Variants in KLF13 observed in about 807,000 individuals in gnomAD.
KLF13 encodes the protein KLF transcription factor 13, also known as Krueppel-like factor 13.
Under a neutral mutation model 16.7 loss-of-function variants are expected in KLF13, and 8 were observed. The ratio of observed to expected loss-of-function variants is 0.48; its 90% CI spans 0.28 to 0.87. KLF13 has a LOEUF of 0.87. Ranked by LOEUF, KLF13 falls within the 40% of genes least tolerant of loss-of-function variation. The pLI, the probability that KLF13 is intolerant of heterozygous loss-of-function variation, is 0.10. For missense variants in KLF13, 447 were observed against 452.2 expected, an observed-to-expected ratio of 0.99 and a Z score of 0.10; for synonymous variants, 245 against 208.4, an observed-to-expected ratio of 1.18 and a Z score of -1.51.
chr15:31,333,501 A>G (rs1273454907), intron 1 of KLF13, among the ~76,000 whole-genome samples: 3 of 151,060 alleles, frequency 2.0e-5, no homozygotes, highest in South Asian at 2.1e-4. Flanking sequence ...ACACTCCTAT[A>G]CTCTTCCCAT....
chr15:31,359,462 T>C (rs2039349093), intron 1 of KLF13, among the ~76,000 whole-genome samples: 1 of 152,230 alleles, frequency 6.6e-6, no homozygotes, highest in Non-Finnish European at 1.5e-5. Context: ...ATTGGGGTGC[T>C]GGGTTCTGTG....
At position 31,374,411 on chromosome 15, in the gene KLF13, TTG is replaced by T. The variant is rs1450273396; in HGVS notation, c.*2113_*2114del. 6.6e-6 allele frequency: 1 copy of T among 152,402 alleles called. No homozygotes were observed. The highest frequency in any genetic ancestry group is 1.9e-4 in the East Asian group (1 of 5,180). The allele number at this position is 152,402 out of a possible 1,614,324, so 9.4% of individuals were successfully genotyped here. ...GGGCTCTCTGACCTCCCTGCTTGCA[TTG>T]GGTCTGGGAGAGAGAGTGGAATATT... On this transcript the variant is annotated 3_prime_UTR_variant, in exon 2 of 2. Transcript: ENST00000307145.
At chr15:31,331,186 ATC>A (rs1441546066) in intron 1 of KLF13, among the ~76,000 whole-genome samples, 1 of 152,230 alleles carries the variant, frequency 6.6e-6, no homozygotes, top group Non-Finnish European at 1.5e-5. Flanking sequence ...GAGTCAAAAC[ATC>A]TCTCTGCATG....
At chr15:31,349,488 G>T (rs532823698) in intron 1 of KLF13, among the ~76,000 whole-genome samples, 3 of 152,326 alleles carry the variant, frequency 2.0e-5, no homozygotes, top group African/African-American at 7.2e-5. Flanking sequence ...CACTTGCCTC[G>T]TTCTGCACTG....
At chr15:31,329,804 C>T (rs534239942) in intron 1 of KLF13, among the ~76,000 whole-genome samples, 7 of 152,318 alleles carry the variant, frequency 4.6e-5, no homozygotes, top group South Asian at 2.1e-4. Flanking sequence ...CATCAGAAGT[C>T]CTACCTCCAG....
chr15:31,428,298 C>T (rs775175090), intron 1 of KLF13, among the ~76,000 whole-genome samples: 18 of 152,090 alleles, frequency 1.2e-4, no homozygotes, highest in African/African-American at 2.9e-4. Flanking sequence ...TCATGTCTCT[C>T]GCACAACATG....
chr15:31,394,605 A>G (rs1892553846), intron 2 of KLF13, among the ~76,000 whole-genome samples: 1 of 152,124 alleles, frequency 6.6e-6, no homozygotes, highest in African/African-American at 2.4e-5. Flanking sequence ...ATGGGCAGAG[A>G]GGATGGAGGT....
At chr15:31,344,200 A>G (rs942225863) in intron 1 of KLF13, among the ~76,000 whole-genome samples, 2 of 152,166 alleles carry the variant, frequency 1.3e-5, no homozygotes, top group Non-Finnish European at 2.9e-5. Context: ...CCCCACACCC[A>G]TACCCATCTC....
chr15:31,435,287 C>T (rs2040516719), intron 1 of KLF13: 1 of 152,136 alleles, frequency 6.6e-6, no homozygotes, highest in Non-Finnish European at 1.5e-5. Context: ...GGAGAAGGGT[C>T]TCGCTAGGGT....
chr15:31,362,890 C>G (rs1393747878), intron 1 of KLF13, among the ~76,000 whole-genome samples: 9 of 152,208 alleles, frequency 5.9e-5, no homozygotes, highest in Non-Finnish European at 1.5e-5. Flanking sequence ...CATTCTACTT[C>G]TTTGCGATAG....
At position 31,372,652 on chromosome 15, in the gene KLF13, G is replaced by A. The variant is rs1245477861; in HGVS notation, c.*353G>A. The A allele has an allele frequency of 1.7e-5, 4 of 231,316 alleles. No homozygotes were observed. The highest frequency in any genetic ancestry group is 4.6e-5 in the African/African-American group (2 of 43,502). 14.3% of individuals were successfully genotyped at this position (231,316 alleles called of 1,614,324 possible). On this transcript the variant is annotated 3_prime_UTR_variant, in exon 2 of 2. Transcript: ENST00000307145. ...AGTTTTCTGTTAGGTTCGGGAACAC[G>A]CTGGGGACAGAGCAGGCCAGCCAGT...
Position 31,327,329 on chromosome 15 carries a change from C to A in KLF13, c.117C>A (p.Ala39=). 1.6e-6 allele frequency: 2 copies of A among 1,279,502 alleles called. No homozygotes were observed. The highest frequency in any genetic ancestry group is 3.3e-5 in the East Asian group (1 of 30,364). 79.3% of individuals were successfully genotyped at this position (1,279,502 alleles called of 1,614,324 possible). A position where few individuals can be genotyped will look rare whatever the true frequency, so the allele number is the denominator to read the frequency against. The change falls in exon 1 of 2, where the codon GCC becomes GCA. Residue 39 remains alanine, a synonymous_variant. Transcript: ENST00000307145. ...EGPESRPEGA[A]VAATPTLPRV... is the part of the protein sequence containing the mutation. ...CGGAGTCCCGGCCCGAGGGCGCGGCCGTGGCCGCCACCCCCACGCTGCCCC... is the reference window on the plus strand; with the variant it reads ...CGGAGTCCCGGCCCGAGGGCGCGGCAGTGGCCGCCACCCCCACGCTGCCCC...
chr15:31,416,789 A>G (rs1310127190), intron 1 of KLF13, among the ~76,000 whole-genome samples: 2 of 152,196 alleles, frequency 1.3e-5, no homozygotes, highest in Admixed American at 1.3e-4. Flanking sequence ...GTAGCTTTAA[A>G]TTGAGATATA....
chr15:31,390,069 ATAATAT>A (rs1015642601), upstream of KLF13, among the ~76,000 whole-genome samples: 14 of 152,206 alleles, frequency 9.2e-5, no homozygotes, highest in African/African-American at 2.9e-4. Context: ...TATTAACAGA[ATAATAT>A]TAATAACAGA....
At chr15:31,336,314 C>T (rs1212700752) in intron 1 of KLF13, among the ~76,000 whole-genome samples, 1 of 152,204 alleles carries the variant, frequency 6.6e-6, no homozygotes, top group Non-Finnish European at 1.5e-5. Context: ...CCTATGGCCA[C>T]TGGGGATGGC....
chr15:31,374,848 G>A lies in KLF13; in HGVS notation c.*2549G>A. The A allele has an allele frequency of 8.6e-6, 1 of 116,782 alleles. No homozygotes were observed. Among genetic ancestry groups the A allele is most frequent in the Non-Finnish European group, 1.7e-5 (1 of 60,012 alleles). The allele number at this position is 116,782 out of a possible 1,614,324, so 7.2% of individuals were successfully genotyped here. A position where few individuals can be genotyped will look rare whatever the true frequency, so the allele number is the denominator to read the frequency against. ...AAAAGAAGAGCTGGTTTGTTTTAGA[G>A]CAGGGCGGGGGGTGGGGGAGGGAAG... On this transcript the variant is annotated 3_prime_UTR_variant, in exon 2 of 2. Coordinates refer to ENST00000307145, the MANE Select transcript of KLF13 (RefSeq NM_015995.4).
intron 1 of KLF13, among the ~76,000 whole-genome samples, chr15:31,428,820 A>AAAAAAAAAAAAAAAAAAAAAAAG (rs61521558): frequency 8.3e-5 from 6 of 72,650 alleles, no homozygotes; most frequent in East Asian, 5.2e-4. Context: ...AAAAAAAAAA[A>AAAAAAAAAAAAAAAAAAAAAAAG]AAAAAGAAAA....
downstream of KLF13, among the ~76,000 whole-genome samples, chr15:31,409,692 C>G (rs931987179): frequency 3.3e-5 from 5 of 152,142 alleles, no homozygotes; most frequent in Non-Finnish European, 7.4e-5. Context: ...TGCACTTCAC[C>G]TCAGAAGCCA....
intron 1 of KLF13, among the ~76,000 whole-genome samples, chr15:31,429,135 TA>T (rs201746010): frequency 0.017 from 2,625 of 152,250 alleles, 33 homozygotes; most frequent in Middle Eastern, 0.031. Flanking sequence ...CTGCATTCTG[TA>T]TGTTCATTTA....
Sources: gnomAD v4.1 joint callset for allele counts (sites outside exome capture counted in the v4.1 genomes callset) on GRCh38, gnomAD v4.1.1 for gene constraint, MANE v1.5 for transcripts, NCBI Gene and HGNC (gene_info 2026-07-23, HGNC 2026-07-21) for gene names.